Variants in PIAS2 observed in about 807,000 individuals in gnomAD.
PIAS2 encodes the protein protein inhibitor of activated STAT 2, also known as E3 SUMO-protein ligase PIAS2.
Under a neutral mutation model 69.7 loss-of-function variants are expected in PIAS2, and 19 were observed. The observed-to-expected ratio is 0.27, with a 90% confidence interval of 0.19 to 0.40. The LOEUF (loss-of-function observed/expected upper bound fraction) is 0.40, where lower values mean the gene tolerates loss of function less well. PIAS2 is among the 10% of genes least tolerant of loss of function. PIAS2 has a pLI of 1.00. For synonymous variants in PIAS2, 261 were observed against 263.2 expected, an observed-to-expected ratio of 0.99 and a Z score of 0.08; for missense variants, 624 against 757.0, an observed-to-expected ratio of 0.82 and a Z score of 2.06.
intron 2 of PIAS2, among the ~76,000 whole-genome samples, chr18:46,867,970 A>G (rs1472070324): frequency 1.3e-5 from 2 of 152,246 alleles, no homozygotes; most frequent in Non-Finnish European, 2.9e-5. Flanking sequence ...CACATGAAGA[A>G]GCCACATATG....
At chr18:46,863,396 C>G (rs1227932450) in intron 3 of PIAS2, among the ~76,000 whole-genome samples, 1 of 152,122 alleles carries the variant, frequency 6.6e-6, no homozygotes, top group African/African-American at 2.4e-5. Context: ...ATCACAACAG[C>G]TCACTGCAGC....
chr18:46,816,683 G>C (rs2041585319), intron 12 of PIAS2: 1 of 472,872 alleles, frequency 2.1e-6, no homozygotes, highest in South Asian at 8.9e-5. Flanking sequence ...GCCTAGGTTG[G>C]TTTTGAACTC....
intron 11 of PIAS2, among the ~76,000 whole-genome samples, chr18:46,823,327 C>CT (rs763351924): frequency 2.0e-5 from 3 of 151,930 alleles, no homozygotes; most frequent in Non-Finnish European, 4.4e-5. Context: ...TAATGAATGT[C>CT]TTTTTCCCAC....
rs775480086 is a variant in PIAS2, at chr18:46,846,700, C to T, written c.861+7G>A. On this transcript the variant is annotated splice_region_variant and intron_variant, in intron 6 of 13. Coordinates refer to ENST00000585916, the MANE Select transcript of PIAS2 (RefSeq NM_004671.5). ...CTGTCCTGCTACCCAAAACGGAGAG[C>T]TTTTACCTTCCCAATTTCTGATGCC... 1.2e-6 allele frequency: 2 copies of T among 1,611,370 alleles called. No individual in the cohort carries two copies. Among genetic ancestry groups the T allele is most frequent in the Admixed American group, 1.7e-5 (1 of 59,654 alleles).
intron 5 of PIAS2, among the ~76,000 whole-genome samples, chr18:46,847,505 G>A (rs999875673): frequency 2.8e-5 from 4 of 143,926 alleles, no homozygotes; most frequent in South Asian, 2.2e-4. Flanking sequence ...TTTTTGAGAC[G>A]GAGTCTGGCT....
intron 4 of PIAS2, 42 bp downstream of exon 4, chr18:46,855,523 A>G (rs778894419): frequency 5.1e-6 from 8 of 1,572,100 alleles, no homozygotes; most frequent in Non-Finnish European, 7.0e-6. Flanking sequence ...TGCACATAGT[A>G]AGCAAGTATA....
chr18:46,881,653 T>C (rs2052283355), intron 2 of PIAS2, among the ~76,000 whole-genome samples: 1 of 152,180 alleles, frequency 6.6e-6, no homozygotes. Context: ...ATTAGGCCAA[T>C]GCAGTAACTG....
intron 1 of PIAS2, among the ~76,000 whole-genome samples, chr18:46,908,803 G>C (rs1280821540): frequency 6.6e-6 from 1 of 152,192 alleles, no homozygotes; most frequent in Non-Finnish European, 1.5e-5. Context: ...GAGGTCAGGA[G>C]TTCGAGACCA....
At chr18:46,838,388 CA>C (rs981159215) in intron 8 of PIAS2, among the ~76,000 whole-genome samples, 5 of 152,162 alleles carry the variant, frequency 3.3e-5, no homozygotes, top group African/African-American at 1.2e-4. Context: ...CCTAACGTTA[CA>C]AAGTTAGAAA....
intron 5 of PIAS2, among the ~76,000 whole-genome samples, chr18:46,848,765 C>CTGTG (rs2046525560): frequency 2.7e-5 from 4 of 145,514 alleles, no homozygotes; most frequent in African/African-American, 7.7e-5. Flanking sequence ...AAGAGAGAGA[C>CTGTG]AGTGTGTGTG....
chr18:46,855,640 G>C (rs1267857112), intron 3 of PIAS2, 25 bp from the exon 4 acceptor site: 1 of 1,564,560 alleles, frequency 6.4e-7, no homozygotes, highest in African/African-American at 1.4e-5. Context: ...AAGAAAATGG[G>C]TTAAAAAAGT....
At chr18:46,854,259 C>T (rs189720611) in intron 5 of PIAS2, among the ~76,000 whole-genome samples, 1 of 152,266 alleles carries the variant, frequency 6.6e-6, no homozygotes, top group African/African-American at 2.4e-5. Context: ...CTTGGCTACT[C>T]GTGAGTACTG....
At chr18:46,864,295 A>G in intron 2 of PIAS2, 47 bp from the exon 3 acceptor site, 1 of 1,265,552 alleles carries the variant, frequency 7.9e-7, no homozygotes, top group Non-Finnish European at 1.1e-6. Flanking sequence ...TAACAAATCC[A>G]ACACTACAAC....
chr18:46,893,221 A>G (rs1782217537), intron 1 of PIAS2, among the ~76,000 whole-genome samples: 1 of 152,248 alleles, frequency 6.6e-6, no homozygotes, highest in Non-Finnish European at 1.5e-5. Context: ...AAGTAATACG[A>G]TGCATCTTTC....
At chr18:46,919,347 G>T (rs568395964), upstream of PIAS2, among the ~76,000 whole-genome samples, 3 of 152,138 alleles carry the variant, frequency 2.0e-5, no homozygotes, top group Non-Finnish European at 4.4e-5. Flanking sequence ...TTAGCCAGGC[G>T]TGGTGGCGCA....
intron 2 of PIAS2, among the ~76,000 whole-genome samples, chr18:46,872,198 C>A (rs1384173021): frequency 2.6e-5 from 4 of 152,182 alleles, no homozygotes; most frequent in Admixed American, 1.3e-4. Flanking sequence ...GGCCCCAGAG[C>A]TATTAACTAA....
intron 1 of PIAS2, among the ~76,000 whole-genome samples, chr18:46,912,553 C>A (rs1380509346): frequency 2.6e-5 from 4 of 151,958 alleles, no homozygotes; most frequent in Admixed American, 2.6e-4. Context: ...GGTCAATAAA[C>A]AGAAATTTAT....
rs112788937 is a variant in PIAS2 at position 46,886,869 on chromosome 18, T to C, written c.499+3711A>G. ...CCAAAAAAAAACAAATAAAATCGAA[T>C]AAAATAAAATACTTGCTCCTGTTAC... is the stretch of plus-strand genomic sequence containing the variant. On this transcript the variant is annotated intron_variant, in intron 2 of 13. Transcript: ENST00000585916. Among the ~76,000 whole-genome samples, 472 of 151,728 alleles carry C rather than the reference T, an allele frequency of 3.1e-3. 1 individual carries two copies. The highest frequency in any genetic ancestry group is 0.011 in the African/African-American group (454 of 41,360).
upstream of PIAS2, among the ~76,000 whole-genome samples, chr18:46,919,346 C>T (rs1358420451): frequency 2.6e-5 from 4 of 151,992 alleles, no homozygotes; most frequent in Admixed American, 6.6e-5. Flanking sequence ...ATTAGCCAGG[C>T]GTGGTGGCGC....
Sources: gnomAD v4.1 joint callset for allele counts (sites outside exome capture counted in the v4.1 genomes callset) on GRCh38, gnomAD v4.1.1 for gene constraint, MANE v1.5 for transcripts, NCBI Gene and HGNC (gene_info 2026-07-23, HGNC 2026-07-21) for gene names.